KRT25: variants seen among roughly 807,000 people sequenced by gnomAD.
KRT25 encodes the protein keratin, type I cytoskeletal 25.
KRT25 carries 37 observed loss-of-function variants against 47.6 expected under a neutral mutation model. The observed-to-expected ratio is 0.78, with a 90% CI of 0.60 to 1.02. The LOEUF (loss-of-function observed/expected upper bound fraction) is 1.02, where lower values mean the gene tolerates loss of function less well. Among genes scored for constraint, KRT25 ranks in the 50% least tolerant of loss-of-function variants. The probability of loss-of-function intolerance (pLI) is 0.00; values close to 1 mark genes in which losing one functional copy is unlikely to be tolerated. For synonymous variants in KRT25, 203 were observed against 210.2 expected (o/e 0.97, Z 0.30); for missense variants, 542 against 550.3 (o/e 0.98, Z 0.15).
chr17:40,753,341 T>C (rs1448223900), intron 3 of KRT25, among the ~76,000 whole-genome samples: 2 of 152,084 alleles, frequency 1.3e-5, no homozygotes, highest in Non-Finnish European at 2.9e-5. Flanking sequence ...GTTTTTTTTT[T>C]TCCCCATAGG....
intron 3 of KRT25, among the ~76,000 whole-genome samples, chr17:40,751,893 T>A (rs199596728): frequency 6.6e-6 from 1 of 150,562 alleles, no homozygotes; most frequent in Non-Finnish European, 1.5e-5. Flanking sequence ...CGTGTGTGTG[T>A]GTGTGTGTGT....
intron 1 of KRT25, 125 bp downstream of exon 1, chr17:40,754,718 C>CAAA (rs33924883): frequency 0.034 from 20,140 of 596,974 alleles, 28 homozygotes; most frequent in South Asian, 0.061. Context: ...AACTCCTTCT[C>CAAA]AAAAAAAAAA....
rs773863906 is a variant in KRT25, at chr17:40,748,389, G to T, written c.1244-3C>A. The T allele has an allele frequency of 2.5e-6, 4 of 1,579,276 alleles. No homozygotes were observed. Among genetic ancestry groups the T allele is most frequent in the Non-Finnish European group, 3.4e-6 (4 of 1,163,126 alleles). ...AACCACTATGGCTTTGGCTGGGTCT[G>T]AGCATTAAAAATTAAAAGGAGATTT... On this transcript the variant is annotated splice_polypyrimidine_tract_variant and splice_region_variant and intron_variant, in intron 7 of 7. Transcript: ENST00000312150.
chr17:40,748,453 A>G, intron 7 of KRT25, 67 bp from the exon 8 acceptor site: 1 of 981,116 alleles, frequency 1.0e-6, no homozygotes. Context: ...TATCATTTAA[A>G]GGAATAATAG....
intron 5 of KRT25, 40 bp downstream of exon 5, chr17:40,750,914 T>C (rs1357894869): frequency 2.5e-6 from 4 of 1,606,648 alleles, no homozygotes; most frequent in Non-Finnish European, 3.4e-6. Flanking sequence ...TCTAACATGA[T>C]GACCTGGGAG....
Position 40,748,072 on chromosome 17 carries a change from C to T in KRT25, c.*205G>A. 1 of 427,898 alleles carries T rather than the reference C, an allele frequency of 2.3e-6. No homozygotes were observed. The highest frequency in any genetic ancestry group is 4.1e-6 in the Non-Finnish European group (1 of 244,000). 26.5% of individuals were successfully genotyped at this position (427,898 alleles called of 1,614,324 possible). A position where few individuals can be genotyped will look rare whatever the true frequency, so the allele number is the denominator to read the frequency against. ...AATACAAAGAATTGACAACAGATTT[C>T]TGTAGGATAATCAAATGAGTCATAT... On this transcript the variant is annotated 3_prime_UTR_variant, in exon 8 of 8. Coordinates refer to ENST00000312150, the MANE Select transcript of KRT25 (RefSeq NM_181534.4).
rs767460211 is a variant in KRT25 at position 40,755,132 on chromosome 17, C to T, written c.140G>A (p.Ser47Asn). 1.2e-6 allele frequency: 2 copies of T among 1,614,064 alleles called. No individual in the cohort carries two copies. The highest frequency in any genetic ancestry group is 2.2e-5 in the East Asian group (1 of 44,898). The change falls in exon 1 of 8, where the codon AGT becomes AAT. Residue 47 changes from serine (S) to asparagine (N), a missense_variant. Transcript: ENST00000312150. ...GISGIGSGFS[S>N]AFGGSSSGGN... ...TCCCGATGAGCTGCCTCCGAAGGCA[C>T]TAGAGAAGCCACTTCCAATCCCTGA... is the stretch of plus-strand genomic sequence containing the variant.
Position 40,748,158 on chromosome 17 carries a change from A to G in KRT25, c.*119T>C. ...GCTGTCATTGATTGCCCAGAAAGAAAGTAACAGAAAGACAACAGGTTAGAC... is the reference window on the plus strand; with the variant it reads ...GCTGTCATTGATTGCCCAGAAAGAAGGTAACAGAAAGACAACAGGTTAGAC... On this transcript the variant is annotated 3_prime_UTR_variant, in exon 8 of 8. Transcript: ENST00000312150. 2 of 599,808 alleles carry G rather than the reference A, an allele frequency of 3.3e-6. No homozygotes were observed. Among genetic ancestry groups the G allele is most frequent in the Non-Finnish European group, 5.7e-6 (2 of 348,942 alleles). The allele number at this position is 599,808 out of a possible 1,614,324, so 37.2% of individuals were successfully genotyped here.
At chr17:40,748,816 G>A (rs944357984) in intron 7 of KRT25, among the ~76,000 whole-genome samples, 3 of 152,128 alleles carry the variant, frequency 2.0e-5, no homozygotes, top group African/African-American at 7.2e-5. Context: ...CAACCTAAAT[G>A]CCCATCAGTG....
Position 40,750,398 on chromosome 17 carries a change from A to T in KRT25, c.1157T>A (p.Leu386His), listed in dbSNP as rs2038034545. ...TACCTACCCATCATCTCCTCCTATA[A>T]GGAGACAGTAGGTCTCAATTTCTTT... ...LEKEIETYCL[L>H]IGGDDGACKS... The change falls in exon 6 of 8, where the codon CTT becomes CAT. Residue 386 changes from leucine (L) to histidine (H), a missense_variant. Leu to His is a moderately conservative substitution (Grantham distance 99). Transcript: ENST00000312150. 1 of 1,613,778 alleles carries T rather than the reference A, an allele frequency of 6.2e-7. No individual in the cohort carries two copies. The highest frequency in any genetic ancestry group is 8.5e-7 in the Non-Finnish European group (1 of 1,179,812).
chr17:40,749,034 G>A (rs1336034577), intron 7 of KRT25, among the ~76,000 whole-genome samples: 1 of 152,032 alleles, frequency 6.6e-6, no homozygotes, highest in African/African-American at 2.4e-5. Context: ...GGAAACAACA[G>A]ATACTGGGTT....
At chr17:40,749,039 T>C (rs771044761) in intron 7 of KRT25, among the ~76,000 whole-genome samples, 9 of 151,910 alleles carry the variant, frequency 5.9e-5, no homozygotes, top group African/African-American at 2.2e-4. Flanking sequence ...CAACAGATAC[T>C]GGGTTCTACT....
chr17:40,753,662 CGGCAGA>C (rs2038073331), intron 3 of KRT25, among the ~76,000 whole-genome samples, 192 bp downstream of exon 3: 1 of 115,624 alleles, frequency 8.6e-6, no homozygotes, highest in African/African-American at 3.3e-5. Flanking sequence ...TCAGCCTGGA[CGGCAGA>C]GCGAGACTCC....
chr17:40,750,903 A>G, intron 5 of KRT25, 51 bp downstream of exon 5: 2 of 1,599,670 alleles, frequency 1.3e-6, no homozygotes, highest in Non-Finnish European at 1.7e-6. Context: ...GCTGGCAAGT[A>G]TCTAACATGA....
chr17:40,750,876 T>A, intron 5 of KRT25, 78 bp downstream of exon 5: 2 of 1,513,814 alleles, frequency 1.3e-6, no homozygotes, highest in Non-Finnish European at 1.8e-6. Context: ...TCAATATTGT[T>A]AAGGTTTTTA....
chr17:40,750,972 A>T lies in KRT25; in HGVS notation c.939T>A (p.Leu313=). 6.2e-7 allele frequency: 1 copy of T among 1,614,176 alleles called. No individual in the cohort carries two copies. The change falls in exon 5 of 8, where the codon CTT becomes CTA. Residue 313 remains leucine, a synonymous_variant. Transcript: ENST00000312150. The stretch of plus-strand genomic sequence containing the variant: ...TTCATACCGTGGCTAGGAGAGACTG[A>T]AGTTCAATTTCCAGGGTTTGAAGAG... The part of the protein sequence containing the change: ...KRTLQTLEIE[L]QSLLATKHSL...
At chr17:40,750,689 A>C in intron 5 of KRT25, 92 bp from the exon 6 acceptor site, 1 of 1,551,502 alleles carries the variant, frequency 6.4e-7, no homozygotes, top group South Asian at 1.2e-5. Flanking sequence ...TTAACTTTAC[A>C]TATAATTGTT....
chr17:40,750,616 G>A lies in KRT25; in HGVS notation c.958-19C>T. The A allele has an allele frequency of 1.9e-6, 3 of 1,613,466 alleles. 1 individual carries two copies. The highest frequency in any genetic ancestry group is 3.3e-4 in the Middle Eastern group (2 of 6,060). On this transcript the variant is annotated intron_variant, in intron 5 of 7. Transcript: ENST00000312150. ...AGTGTTTCTGTCAGGAAGCAATAAA[G>A]AGAACTTGAAATGGATATGCAGATA...
In KRT25 at chr17:40,748,046, G is replaced by A. The variant is rs1166923882; in HGVS notation, c.*231C>T. On this transcript the variant is annotated 3_prime_UTR_variant, in exon 8 of 8. Transcript: ENST00000312150. ...TAACTTGCTAAAGAAGAGGTTTATTGAATACAAAGAATTGACAACAGATTT... is the reference window on the plus strand; with the variant it reads ...TAACTTGCTAAAGAAGAGGTTTATTAAATACAAAGAATTGACAACAGATTT... 4.4e-5 allele frequency: 16 copies of A among 362,044 alleles called. No individual in the cohort carries two copies. Among genetic ancestry groups the A allele is most frequent in the Non-Finnish European group, 5.9e-5 (12 of 203,796 alleles). 22.4% of individuals were successfully genotyped at this position (362,044 alleles called of 1,614,324 possible). A position where few individuals can be genotyped will look rare whatever the true frequency, so the allele number is the denominator to read the frequency against.
Sources: gnomAD v4.1 joint callset for allele counts (sites outside exome capture counted in the v4.1 genomes callset) on GRCh38, gnomAD v4.1.1 for gene constraint, MANE v1.5 for transcripts, NCBI Gene and HGNC (gene_info 2026-07-23, HGNC 2026-07-21) for gene names.